Variants in KIAA0753 observed in about 807,000 individuals in gnomAD.
KIAA0753 encodes protein moonraker.
In KIAA0753, 114 loss-of-function variants were observed where a neutral mutation model predicts 116.9. That is an observed-to-expected ratio of 0.98 (90% CI 0.84 to 1.14). KIAA0753 has a LOEUF of 1.14. Among genes scored for constraint, KIAA0753 ranks in the 50% most tolerant of loss-of-function variants. The probability of loss-of-function intolerance (pLI) is 0.00; values close to 1 mark genes in which losing one functional copy is unlikely to be tolerated. For missense variants in KIAA0753, 1,156 were observed against 1,172.4 expected (o/e 0.99, Z 0.20); for synonymous variants, 405 against 413.1 (o/e 0.98, Z 0.24).
At chr17:6,608,189 T>G (rs1399441469) in intron 10 of KIAA0753, among the ~76,000 whole-genome samples, 159 bp downstream of exon 10, 1 of 152,246 alleles carries the variant, frequency 6.6e-6, no homozygotes, top group Non-Finnish European at 1.5e-5. Flanking sequence ...ACTGAAACGT[T>G]TAATAAACTA....
intron 7 of KIAA0753, among the ~76,000 whole-genome samples, chr17:6,614,943 C>G (rs1347094564): frequency 6.6e-6 from 1 of 152,164 alleles, no homozygotes; most frequent in African/African-American, 2.4e-5. Context: ...GGATTACAGG[C>G]ATGTGCCACC....
chr17:6,639,427 T>G lies in KIAA0753; in HGVS notation c.-69+1210A>C, dbSNP rs1168158848. ...TTCACAAGGGCCTGAGACAAACCCA[T>G]AGCCTATCTCCTCCCCAGTCTCAGG... On this transcript the variant is annotated intron_variant, in intron 1 of 18. Transcript: ENST00000361413. This position sits in a 1 kb window ranked among gnomAD's most constrained non-coding sequence, Gnocchi z 4.3. The G allele has an allele frequency of 1.3e-5, 2 of 152,096 alleles. No individual in the cohort carries two copies. The highest frequency in any genetic ancestry group is 2.4e-5 in the African/African-American group (1 of 41,206). 9.4% of individuals were successfully genotyped at this position (152,096 alleles called of 1,614,324 possible).
intron 2 of KIAA0753, among the ~76,000 whole-genome samples, chr17:6,632,221 C>G (rs1012605346): frequency 1.3e-5 from 2 of 152,096 alleles, no homozygotes; most frequent in Non-Finnish European, 2.9e-5. Flanking sequence ...CTTTTTACAC[C>G]ATAAAGTGGT....
intron 2 of KIAA0753, 47 bp downstream of exon 2, chr17:6,634,964 T>C: frequency 8.1e-7 from 1 of 1,229,310 alleles, no homozygotes; most frequent in Admixed American, 1.7e-5. Context: ...TCAAATTTTA[T>C]GTTTGAAATA....
rs751221256 is a variant in KIAA0753, at chr17:6,610,171, T to G, written c.1546-11A>C. 6.2e-7 allele frequency: 1 copy of G among 1,613,718 alleles called. No homozygotes were observed. The highest frequency in any genetic ancestry group is 1.1e-5 in the South Asian group (1 of 91,048). Reference sequence around the variant, plus strand: ...AGCTTTGCGGAGTCCCTGTGAGAGATAAGTAAGAATTATAAGGCCACACAA... The same window carrying G: ...AGCTTTGCGGAGTCCCTGTGAGAGAGAAGTAAGAATTATAAGGCCACACAA... On this transcript the variant is annotated splice_polypyrimidine_tract_variant and intron_variant, in intron 8 of 18. Transcript: ENST00000361413.
chr17:6,629,252 A>G (rs1253425302), intron 2 of KIAA0753, among the ~76,000 whole-genome samples: 5 of 152,220 alleles, frequency 3.3e-5, no homozygotes, highest in Non-Finnish European at 5.9e-5. Flanking sequence ...CAGTCCGCTT[A>G]TGCTTTCTTA....
At chr17:6,603,303 T>G (rs1037182498) in intron 12 of KIAA0753, among the ~76,000 whole-genome samples, 1 of 151,976 alleles carries the variant, frequency 6.6e-6, no homozygotes, top group Non-Finnish European at 1.5e-5. Context: ...GCACGAAAAC[T>G]TCTCAGAATT....
chr17:6,623,719 T>C (rs1971477258), intron 4 of KIAA0753, 148 bp from the exon 5 acceptor site: 1 of 1,169,200 alleles, frequency 8.6e-7, no homozygotes, highest in South Asian at 1.8e-5. Context: ...TCTTCATTCA[T>C]GCACCCAAAA....
chr17:6,606,441 T>C (rs541498564), intron 12 of KIAA0753, among the ~76,000 whole-genome samples: 4 of 152,304 alleles, frequency 2.6e-5, no homozygotes, highest in East Asian at 3.9e-4. Context: ...ATGGAGTGAA[T>C]AGAAAAAGGG....
intron 1 of KIAA0753, chr17:6,637,026 T>A (rs1344183188): frequency 6.6e-6 from 1 of 152,356 alleles, no homozygotes; most frequent in Admixed American, 6.5e-5. Context: ...GACAGCTCCA[T>A]AACCTGGCCC....
At chr17:6,623,735 T>C (rs985309373) in intron 4 of KIAA0753, 164 bp from the exon 5 acceptor site, 2 of 990,444 alleles carry the variant, frequency 2.0e-6, no homozygotes, top group Non-Finnish European at 2.8e-6. Context: ...CAAAAAACAG[T>C]TACTGGTTTC....
At chr17:6,585,976 A>G (rs1045902848) in intron 18 of KIAA0753, among the ~76,000 whole-genome samples, 2 of 152,168 alleles carry the variant, frequency 1.3e-5, no homozygotes, top group African/African-American at 4.8e-5. Flanking sequence ...CTCAAATCTC[A>G]TGATGAACTG....
At chr17:6,595,554 A>C (rs1341966081) in intron 15 of KIAA0753, among the ~76,000 whole-genome samples, 1 of 152,206 alleles carries the variant, frequency 6.6e-6, no homozygotes, top group Non-Finnish European at 1.5e-5. Flanking sequence ...ATTAGATTTA[A>C]TCATGGTGCG....
intron 11 of KIAA0753, 55 bp downstream of exon 11, chr17:6,607,126 T>C (rs370188265): frequency 7.0e-6 from 10 of 1,420,486 alleles, no homozygotes; most frequent in Non-Finnish European, 1.0e-5. Context: ...CATTAATGTA[T>C]AGAGATGTAG....
intron 7 of KIAA0753, 75 bp from the exon 8 acceptor site, chr17:6,612,223 C>T (rs1334180850): frequency 9.2e-7 from 1 of 1,082,948 alleles, no homozygotes; most frequent in African/African-American, 1.6e-5. Context: ...ATTATCTACA[C>T]ACAGATAGGC....
At chr17:6,631,288 C>G (rs1387198861) in intron 2 of KIAA0753, among the ~76,000 whole-genome samples, 1 of 152,182 alleles carries the variant, frequency 6.6e-6, no homozygotes, top group Non-Finnish European at 1.5e-5. Flanking sequence ...GGACTATATG[C>G]CGTCAGGCTA....
At chr17:6,623,438 C>A in intron 5 of KIAA0753, 71 bp downstream of exon 5, 1 of 1,307,552 alleles carries the variant, frequency 7.6e-7, no homozygotes, top group East Asian at 2.3e-5. Context: ...GAGGGCCCTA[C>A]ACAATACTAA....
At position 6,635,115 on chromosome 17, in the gene KIAA0753, G is replaced by A. The variant is rs1311308952; in HGVS notation, c.-12C>T. 1.3e-6 allele frequency: 2 copies of A among 1,590,992 alleles called. No individual in the cohort carries two copies. The highest frequency in any genetic ancestry group is 1.1e-5 in the South Asian group (1 of 90,654). On this transcript the variant is annotated 5_prime_UTR_variant, in exon 2 of 19. Transcript: ENST00000361413. ...TGGCCTGGTCCCATAATGTCAGGTA[G>A]TACAGAACAATAGTGACAGCCTTGT... is the stretch of plus-strand genomic sequence containing the variant.
At chr17:6,590,762 G>T in intron 16 of KIAA0753, 132 bp from the exon 17 acceptor site, 1 of 805,226 alleles carries the variant, frequency 1.2e-6, no homozygotes, top group Non-Finnish European at 2.0e-6. Flanking sequence ...TTGGCTAGCA[G>T]TGCAATGGGA....
Sources: allele counts gnomAD v4.1 joint callset (sites outside exome capture counted in the v4.1 genomes callset), GRCh38; gene constraint gnomAD v4.1.1; non-coding constraint Gnocchi (gnomAD v3.1); transcripts MANE v1.5; gene names NCBI Gene and HGNC (gene_info 2026-07-23, HGNC 2026-07-21).